The following NIPSNAP2 variants were observed in gnomAD, a reference collection of about 807,000 sequenced individuals.
NIPSNAP2 encodes the protein protein NipSnap homolog 2.
Under a neutral mutation model 48.4 loss-of-function variants are expected in NIPSNAP2, and 42 were observed. That is an observed-to-expected ratio of 0.87 (90% CI 0.68 to 1.12). The LOEUF is 1.12. NIPSNAP2 is among the 50% of genes most tolerant of loss of function. NIPSNAP2 has a pLI of 0.00. For synonymous variants in NIPSNAP2, 158 were observed against 126.6 expected (o/e 1.25, Z -1.67); for missense variants, 314 against 347.3 (o/e 0.90, Z 0.76).
At chr7:55,974,664 C>T (rs1018969171) in intron 1 of NIPSNAP2, among the ~76,000 whole-genome samples, 19 of 151,918 alleles carry the variant, frequency 1.3e-4, no homozygotes, top group Admixed American at 2.0e-4. Flanking sequence ...CTGGCTAACA[C>T]GGTGAAACCC....
intron 1 of NIPSNAP2, among the ~76,000 whole-genome samples, chr7:55,974,173 C>T (rs558238491): frequency 2.6e-4 from 39 of 151,378 alleles, no homozygotes; most frequent in African/African-American, 8.7e-4. Flanking sequence ...TGCAGTGAGC[C>T]GAGATTGCAC....
chr7:55,964,833 G>T (rs1461375266), intron 1 of NIPSNAP2, 132 bp downstream of exon 1: 4 of 289,364 alleles, frequency 1.4e-5, no homozygotes, highest in Non-Finnish European at 2.2e-5. Flanking sequence ...TCGGGGCAGT[G>T]GGGCCGGAGC....
intron 1 of NIPSNAP2, among the ~76,000 whole-genome samples, chr7:55,974,861 A>AG (rs1787078672): frequency 6.7e-6 from 1 of 148,460 alleles, no homozygotes; most frequent in African/African-American, 2.5e-5. Flanking sequence ...AAAAAAAAAA[A>AG]AAAAAAGAAA....
chr7:55,983,239 C>A (rs1787257710), intron 5 of NIPSNAP2, among the ~76,000 whole-genome samples: 1 of 152,182 alleles, frequency 6.6e-6, no homozygotes, highest in East Asian at 1.9e-4. Context: ...CTGTTTGTCA[C>A]ACACATAGAG....
At chr7:55,972,841 G>A (rs978703971) in intron 1 of NIPSNAP2, among the ~76,000 whole-genome samples, 5 of 152,056 alleles carry the variant, frequency 3.3e-5, no homozygotes, top group African/African-American at 9.7e-5. Flanking sequence ...GGTGGTTCAC[G>A]CCTATAATCC....
chr7:55,971,806 T>G (rs545743431), intron 1 of NIPSNAP2, among the ~76,000 whole-genome samples: 128 of 152,310 alleles, frequency 8.4e-4, no homozygotes, highest in Non-Finnish European at 1.3e-3. Flanking sequence ...CCTCTGTATT[T>G]CTGGAAGGAT....
intron 1 of NIPSNAP2, among the ~76,000 whole-genome samples, chr7:55,965,739 C>G (rs900781485): frequency 2.0e-5 from 3 of 152,208 alleles, no homozygotes; most frequent in Admixed American, 6.6e-5. Context: ...CACCACCACA[C>G]CCGGCTAATT....
Position 55,999,903 on chromosome 7 carries a change from T to C in NIPSNAP2, c.*831T>C, listed in dbSNP as rs1275506551. On this transcript the variant is annotated 3_prime_UTR_variant, in exon 10 of 10. Coordinates refer to ENST00000322090, the MANE Select transcript of NIPSNAP2 (RefSeq NM_001483.3). ...TTAATAAGCTCACAGCAGATAATTC[T>C]GAGATCATGGGTGAGGGGTGGTGCA... is the stretch of plus-strand genomic sequence containing the variant. The C allele has an allele frequency of 6.6e-6, 1 of 152,660 alleles. No homozygotes were observed. Among genetic ancestry groups the C allele is most frequent in the Non-Finnish European group, 1.5e-5 (1 of 68,048 alleles). 9.5% of individuals were successfully genotyped at this position (152,660 alleles called of 1,614,324 possible).
At chr7:55,990,388 C>T (rs918097789) in intron 7 of NIPSNAP2, among the ~76,000 whole-genome samples, 5 of 151,914 alleles carry the variant, frequency 3.3e-5, no homozygotes, top group African/African-American at 1.2e-4. Context: ...GCCATCACAC[C>T]CGGCTAATTT....
chr7:55,991,081 G>A (rs529951959), intron 7 of NIPSNAP2, among the ~76,000 whole-genome samples: 4 of 152,026 alleles, frequency 2.6e-5, no homozygotes, highest in African/African-American at 4.8e-5. Context: ...GTGAGCCACC[G>A]CGCTCGGCCC....
intron 7 of NIPSNAP2, among the ~76,000 whole-genome samples, chr7:55,991,616 T>A (rs1016962631): frequency 7.9e-5 from 12 of 151,560 alleles, no homozygotes; most frequent in Non-Finnish European, 1.8e-4. Context: ...AGTGTGGTGG[T>A]GCATGCCTGT....
chr7:55,997,581 A>G, intron 9 of NIPSNAP2, 132 bp downstream of exon 9: 1 of 632,682 alleles, frequency 1.6e-6, no homozygotes, highest in Non-Finnish European at 2.8e-6. Context: ...TGTGGGGGGA[A>G]GGGAGATAGT....
intron 9 of NIPSNAP2, 64 bp downstream of exon 9, chr7:55,997,513 C>A: frequency 7.8e-7 from 1 of 1,274,546 alleles, no homozygotes; most frequent in Non-Finnish European, 1.1e-6. Context: ...TTCTTTCACC[C>A]TGACACTAAT....
chr7:55,979,681 C>T (rs747254600), intron 3 of NIPSNAP2: 1 of 438,606 alleles, frequency 2.3e-6, no homozygotes, highest in Admixed American at 2.4e-5. Context: ...AATACATTAC[C>T]CCAAAGTTTG....
At chr7:55,981,283 T>A in intron 3 of NIPSNAP2, 190 bp from the exon 4 acceptor site, 1 of 459,686 alleles carries the variant, frequency 2.2e-6, no homozygotes, top group African/African-American at 2.0e-5. Flanking sequence ...AAGCTTCTGA[T>A]CAGCAGGGTG....
rs1408883647 is a variant in NIPSNAP2, at chr7:55,979,747, C to T, written c.278+1352C>T. ...TTTTTCATCACGTTTTTTCTTTTCT[C>T]TGAAACTTTCAGCAGCTCCCTGTTT... is the stretch of plus-strand genomic sequence containing the variant. On this transcript the variant is annotated intron_variant, in intron 3 of 9. Coordinates refer to ENST00000322090, the MANE Select transcript of NIPSNAP2 (RefSeq NM_001483.3). The T allele has an allele frequency of 6.6e-6, 3 of 453,796 alleles. No individual in the cohort carries two copies. The Admixed American group carries it at 7.2e-5, about 11-fold the overall frequency. The allele number at this position is 453,796 out of a possible 1,614,324, so 28.1% of individuals were successfully genotyped here.
intron 1 of NIPSNAP2, among the ~76,000 whole-genome samples, chr7:55,967,533 C>T (rs1188660930): frequency 6.6e-6 from 1 of 151,684 alleles, no homozygotes; most frequent in Admixed American, 6.6e-5. Flanking sequence ...ATGGCATGAC[C>T]ACGGCTCACT....
rs559994988 is a variant in NIPSNAP2, at chr7:55,989,620, G to A, written c.617+4742G>A. Among the ~76,000 whole-genome samples the A allele has an allele frequency of 6.0e-5, 9 of 151,048 alleles. No individual in the cohort carries two copies. The East Asian group carries it at 1.4e-3, about 23-fold the overall frequency. On this transcript the variant is annotated intron_variant, in intron 7 of 9. Coordinates refer to ENST00000322090, the MANE Select transcript of NIPSNAP2 (RefSeq NM_001483.3). ...AGCCTGGGCAACAGAGCAAGATCCT[G>A]TCCCAAAAAAGCCTCAATAATTAAG...
chr7:55,997,514 T>A, intron 9 of NIPSNAP2, 65 bp downstream of exon 9: 1 of 1,263,232 alleles, frequency 7.9e-7, no homozygotes, highest in Non-Finnish European at 1.2e-6. Flanking sequence ...TCTTTCACCC[T>A]GACACTAATA....
Sources: allele counts gnomAD v4.1 joint callset (sites outside exome capture counted in the v4.1 genomes callset), GRCh38; gene constraint gnomAD v4.1.1; transcripts MANE v1.5; gene names NCBI Gene and HGNC (gene_info 2026-07-23, HGNC 2026-07-21).